Variants in ABCA5 observed in about 807,000 individuals in gnomAD.
The protein encoded by ABCA5 is cholesterol transporter ABCA5.
ABCA5 carries 163 observed loss-of-function variants against 206.0 expected under a neutral mutation model. The observed-to-expected ratio is 0.79, with a 90% CI of 0.70 to 0.90. The LOEUF (loss-of-function observed/expected upper bound fraction) is 0.90. Among genes scored for constraint, ABCA5 ranks in the 40% least tolerant of loss-of-function variants. The pLI is 0.00. For missense variants in ABCA5, 1,859 were observed against 1,912.9 expected, an observed-to-expected ratio of 0.97 and a Z score of 0.53; for synonymous variants, 609 against 613.8, an observed-to-expected ratio of 0.99 and a Z score of 0.11.
chr17:69,253,242 A>G (rs1158971775), intron 34 of ABCA5, among the ~76,000 whole-genome samples: 1 of 152,194 alleles, frequency 6.6e-6, no homozygotes, highest in Non-Finnish European at 1.5e-5. Context: ...TAAATTTAAG[A>G]CACTATTATT....
intron 18 of ABCA5, among the ~76,000 whole-genome samples, chr17:69,282,937 C>A (rs1169811670): frequency 6.6e-6 from 1 of 150,784 alleles, no homozygotes. Flanking sequence ...ATCAGCAACT[C>A]ATCACCACTA....
At chr17:69,281,044 AT>A (rs552058356) in intron 18 of ABCA5, among the ~76,000 whole-genome samples, 4,111 of 149,792 alleles carry the variant, frequency 0.027, 83 homozygotes, top group Non-Finnish European at 0.043. Flanking sequence ...ATAAAAAAAA[AT>A]AAAAATAAAT....
intron 11 of ABCA5, among the ~76,000 whole-genome samples, chr17:69,293,877 T>TGC (rs1477861457): frequency 2.7e-5 from 3 of 112,758 alleles, no homozygotes; most frequent in Non-Finnish European, 3.9e-5. Flanking sequence ...TGTGTGCGTG[T>TGC]GTGTGTGTTT....
intron 9 of ABCA5, among the ~76,000 whole-genome samples, chr17:69,298,905 T>G (rs544135144): frequency 1.3e-5 from 2 of 152,208 alleles, no homozygotes; most frequent in East Asian, 3.9e-4. Context: ...TGGGAGAAGG[T>G]CTTCACTATA....
chr17:69,282,783 A>AAG (rs2075409571), intron 18 of ABCA5, among the ~76,000 whole-genome samples: 2 of 133,936 alleles, frequency 1.5e-5, no homozygotes, highest in African/African-American at 5.4e-5. Context: ...AAAAAAAAAA[A>AAG]GGAAAAAACT....
intron 23 of ABCA5, among the ~76,000 whole-genome samples, chr17:69,265,555 C>T (rs1434622878): frequency 6.6e-6 from 1 of 151,802 alleles, no homozygotes; most frequent in African/African-American, 2.4e-5. Context: ...AATCCAAATA[C>T]CTAACAATTT....
intron 23 of ABCA5, among the ~76,000 whole-genome samples, chr17:69,267,586 G>T (rs942902542): frequency 6.6e-6 from 1 of 152,058 alleles, no homozygotes; most frequent in Non-Finnish European, 1.5e-5. Flanking sequence ...TGCCAGTTAA[G>T]AACATAAAGA....
intron 35 of ABCA5, 51 bp downstream of exon 35, chr17:69,251,696 A>T: frequency 6.4e-7 from 1 of 1,551,868 alleles, no homozygotes; most frequent in Non-Finnish European, 8.7e-7. Context: ...TGACTTTCAA[A>T]ATCCAACCCC....
intron 37 of ABCA5, chr17:69,249,465 A>AAG (rs2074987940): frequency 6.3e-6 from 1 of 158,176 alleles, no homozygotes. Context: ...TGGAGTCTTG[A>AAG]TAGTGTTGCT....
chr17:69,258,853 A>C (rs1466254127), intron 28 of ABCA5, among the ~76,000 whole-genome samples: 1 of 152,154 alleles, frequency 6.6e-6, no homozygotes, highest in Non-Finnish European at 1.5e-5. Flanking sequence ...TGCTGAAATG[A>C]TAATAAAGTG....
intron 23 of ABCA5, among the ~76,000 whole-genome samples, chr17:69,267,256 T>C (rs2075220889): frequency 6.6e-6 from 1 of 152,178 alleles, no homozygotes; most frequent in Non-Finnish European, 1.5e-5. Flanking sequence ...ACAAATTTGT[T>C]TTTACTGAAT....
intron 11 of ABCA5, 22 bp downstream of exon 11, chr17:69,294,633 G>A: frequency 1.3e-6 from 2 of 1,585,848 alleles, no homozygotes; most frequent in Non-Finnish European, 1.7e-6. Context: ...ACTATGGCCT[G>A]AATACTAGGA....
At chr17:69,286,423 T>C (rs2075454348) in intron 15 of ABCA5, 112 bp from the exon 16 acceptor site, 1 of 936,914 alleles carries the variant, frequency 1.1e-6, no homozygotes, top group East Asian at 2.7e-5. Flanking sequence ...ATATCATTAA[T>C]CATCACAAAA....
Position 69,313,291 on chromosome 17 carries a change from A to T in ABCA5, c.108T>A (p.Ile36=), listed in dbSNP as rs200116830. The change falls in exon 3 of 39, where the codon ATT becomes ATA. Residue 36 remains isoleucine, a synonymous_variant. Coordinates refer to ENST00000392676, the MANE Select transcript of ABCA5 (RefSeq NM_172232.4). ...AAAATAAAAAAAATAGTGGAAAAAG[A>T]ATTTCCTACAATAAAAGAAACAAAG... is the stretch of plus-strand genomic sequence containing the variant. ...CRTKKSSVQE[I]LFPLFFLFWL... 1.3e-4 allele frequency: 175 copies of T among 1,330,162 alleles called. No homozygotes were observed. Among genetic ancestry groups the T allele is most frequent in the Non-Finnish European group, 1.7e-4 (168 of 962,244 alleles). 82.4% of individuals were successfully genotyped at this position (1,330,162 alleles called of 1,614,324 possible). A position where few individuals can be genotyped will look rare whatever the true frequency, so the allele number is the denominator to read the frequency against.
At chr17:69,300,742 T>C (rs750325967) in intron 9 of ABCA5, among the ~76,000 whole-genome samples, 9 of 152,176 alleles carry the variant, frequency 5.9e-5, no homozygotes, top group Admixed American at 1.3e-4. Flanking sequence ...TTAATATTAC[T>C]ATTGAATCTA....
At chr17:69,262,752 G>A (rs770921924) in intron 24 of ABCA5, among the ~76,000 whole-genome samples, 8 of 151,712 alleles carry the variant, frequency 5.3e-5, no homozygotes, top group Admixed American at 2.0e-4. Context: ...ACCCAGTAAT[G>A]GGGTTTCTGA....
At chr17:69,293,833 GGTGTGTGTGTGTGTGTGT>G (rs61315865) in intron 11 of ABCA5, among the ~76,000 whole-genome samples, 1 of 123,726 alleles carries the variant, frequency 8.1e-6, no homozygotes, top group African/African-American at 3.0e-5. Context: ...CAATCATACT[GGTGTGTGTGTGTGTGTGT>G]GTGTGTGTGT....
chr17:69,245,972 A>G lies in ABCA5; in HGVS notation c.*1565T>C, dbSNP rs1481604424. 1 of 152,010 alleles carries G rather than the reference A, an allele frequency of 6.6e-6. No individual in the cohort carries two copies. Among genetic ancestry groups the G allele is most frequent in the African/African-American group, 2.4e-5 (1 of 41,430 alleles). 9.4% of individuals were successfully genotyped at this position (152,010 alleles called of 1,614,324 possible). A position where few individuals can be genotyped will look rare whatever the true frequency, so the allele number is the denominator to read the frequency against. On this transcript the variant is annotated 3_prime_UTR_variant, in exon 39 of 39. Coordinates refer to ENST00000392676, the MANE Select transcript of ABCA5 (RefSeq NM_172232.4). The stretch of plus-strand genomic sequence containing the variant: ...TTACTAAACTTAAGTATTCAAGGTT[A>G]CACATAATTACAAAAGCACATCCCA...
intron 21 of ABCA5, among the ~76,000 whole-genome samples, 159 bp from the exon 22 acceptor site, chr17:69,270,909 G>C (rs1200929028): frequency 6.6e-6 from 1 of 152,050 alleles, no homozygotes; most frequent in East Asian, 1.9e-4. Context: ...AGACAATCTG[G>C]TTTGGAATGT....
Sources: gnomAD v4.1 joint callset for allele counts (sites outside exome capture counted in the v4.1 genomes callset) on GRCh38, gnomAD v4.1.1 for gene constraint, MANE v1.5 for transcripts, NCBI Gene and HGNC (gene_info 2026-07-23, HGNC 2026-07-21) for gene names.